KLHL22: variants seen among roughly 807,000 people sequenced by gnomAD.
KLHL22 encodes the protein kelch-like protein 22.
In KLHL22, 18 loss-of-function variants were observed where a neutral mutation model predicts 60.7. That is an observed-to-expected ratio of 0.30 (90% CI 0.20 to 0.44). The LOEUF (loss-of-function observed/expected upper bound fraction) is 0.44, where lower values mean the gene tolerates loss of function less well. Ranked by LOEUF, KLHL22 falls within the 20% of genes least tolerant of loss-of-function variation. The pLI, the probability that KLHL22 is intolerant of heterozygous loss-of-function variation, is 1.00. For missense variants in KLHL22, 596 were observed against 852.3 expected, an observed-to-expected ratio of 0.70 and a Z score of 3.74; for synonymous variants, 355 against 354.5, an observed-to-expected ratio of 1.00 and a Z score of -0.01.
At chr22:20,472,255 A>C (rs1214492737) in intron 2 of KLHL22, among the ~76,000 whole-genome samples, 1 of 151,824 alleles carries the variant, frequency 6.6e-6, no homozygotes, top group Non-Finnish European at 1.5e-5. Context: ...AAAAAGCAAA[A>C]CAAAACAAAA....
chr22:20,470,825 T>TGGATGGAC lies in KLHL22; in HGVS notation c.393+524_393+525insGTCCATCC, dbSNP rs1312842348. Among the ~76,000 whole-genome samples the TGGATGGAC allele has an allele frequency of 4.9e-5, 7 of 142,820 alleles. No individual in the cohort carries two copies. The East Asian group carries it at 1.2e-3, about 24-fold the overall frequency. The allele number at this position is 142,820 out of a possible 152,430, so 93.7% of individuals were successfully genotyped here. ...ATGGATGGATGGATGGATGGATGGATGGATGCATGCATGCATGGATGGATG... is the reference window on the plus strand; with the variant it reads ...ATGGATGGATGGATGGATGGATGGATGGATGGACGGATGCATGCATGCATGGATGGATG... On this transcript the variant is annotated intron_variant, in intron 3 of 6. Coordinates refer to ENST00000328879, the MANE Select transcript of KLHL22 (RefSeq NM_032775.4).
chr22:20,470,909 G>C (rs566248697), intron 3 of KLHL22, among the ~76,000 whole-genome samples: 3 of 152,306 alleles, frequency 2.0e-5, no homozygotes, highest in Admixed American at 6.5e-5. Flanking sequence ...GATAGATAAA[G>C]TTCAGTAACA....
chr22:20,483,446 C>A (rs1216749409), intron 2 of KLHL22: 5 of 783,594 alleles, frequency 6.4e-6, no homozygotes, highest in Non-Finnish European at 9.2e-6. Context: ...AGGCCTTTTA[C>A]TTCCTCTTCA....
chr22:20,488,003 C>T (rs998509500), intron 2 of KLHL22, among the ~76,000 whole-genome samples: 1 of 152,136 alleles, frequency 6.6e-6, no homozygotes, highest in Admixed American at 6.5e-5. Flanking sequence ...CCCTGGTGAA[C>T]TGAAAGAATT....
chr22:20,486,825 G>A (rs2053594169), intron 2 of KLHL22, among the ~76,000 whole-genome samples: 1 of 151,940 alleles, frequency 6.6e-6, no homozygotes. Context: ...GGGATTACAG[G>A]CATGTGCTAC....
intron 6 of KLHL22, 127 bp from the exon 7 acceptor site, chr22:20,442,565 A>T (rs561491372): frequency 8.5e-7 from 1 of 1,180,872 alleles, no homozygotes; most frequent in South Asian, 1.6e-5. Flanking sequence ...CCCTGGAAGG[A>T]TGGCACAGGG....
chr22:20,477,483 A>G (rs1256924071), intron 2 of KLHL22, among the ~76,000 whole-genome samples: 1 of 152,156 alleles, frequency 6.6e-6, no homozygotes, highest in East Asian at 1.9e-4. Context: ...GCACGCATCC[A>G]TAATTCCATC....
At chr22:20,452,000 T>C (rs934591237) in intron 5 of KLHL22, among the ~76,000 whole-genome samples, 5 of 152,082 alleles carry the variant, frequency 3.3e-5, no homozygotes, top group African/African-American at 1.2e-4. Context: ...TGGTTGTTGT[T>C]CCTGAGAAGG....
chr22:20,459,849 G>A (rs1008693573), intron 4 of KLHL22, among the ~76,000 whole-genome samples: 1 of 152,202 alleles, frequency 6.6e-6, no homozygotes, highest in Non-Finnish European at 1.5e-5. Flanking sequence ...AGGCTAACCA[G>A]AGCAAATGAG....
chr22:20,450,181 C>G, intron 5 of KLHL22: 3 of 796,252 alleles, frequency 3.8e-6, no homozygotes, highest in Non-Finnish European at 6.9e-6. Flanking sequence ...AATCAATCCT[C>G]AGTTCAATGA....
chr22:20,457,436 C>G (rs1289788698), intron 5 of KLHL22, among the ~76,000 whole-genome samples: 2 of 152,132 alleles, frequency 1.3e-5, no homozygotes, highest in African/African-American at 4.8e-5. Context: ...TGTTTAACAT[C>G]TCTGGAAGTG....
intron 2 of KLHL22, chr22:20,484,253 A>G (rs373025180): frequency 1.0e-5 from 4 of 394,478 alleles, no homozygotes; most frequent in South Asian, 6.1e-5. Context: ...TCAGCCTCCC[A>G]AAGTGCTAGG....
intron 5 of KLHL22, among the ~76,000 whole-genome samples, chr22:20,454,033 C>A (rs960776730): frequency 6.6e-6 from 1 of 152,182 alleles, no homozygotes; most frequent in East Asian, 1.9e-4. Flanking sequence ...CTGCGACCAG[C>A]AATAAAAAAA....
intron 4 of KLHL22, among the ~76,000 whole-genome samples, chr22:20,462,075 G>A (rs889022823): frequency 6.6e-6 from 1 of 151,800 alleles, no homozygotes; most frequent in African/African-American, 2.4e-5. Flanking sequence ...TCCAGCCTGG[G>A]CAGAAAACAG....
chr22:20,485,499 ACAATTAGGGAAAG>A (rs1429726313), intron 2 of KLHL22, among the ~76,000 whole-genome samples: 2 of 152,212 alleles, frequency 1.3e-5, no homozygotes, highest in African/African-American at 4.8e-5. Context: ...ACAGCAAGGG[ACAATTAGGGAAAG>A]CTCTCCAGAG....
chr22:20,454,014 C>T (rs905162857), intron 5 of KLHL22, among the ~76,000 whole-genome samples: 4 of 152,138 alleles, frequency 2.6e-5, no homozygotes, highest in Non-Finnish European at 4.4e-5. Flanking sequence ...GGATTACAGA[C>T]GTGAGCCACT....
At chr22:20,480,741 C>T (rs950182596) in intron 2 of KLHL22, among the ~76,000 whole-genome samples, 10 of 151,788 alleles carry the variant, frequency 6.6e-5, no homozygotes, top group Non-Finnish European at 1.5e-4. Context: ...AGTATAAAGA[C>T]TCACACTAGG....
At chr22:20,489,317 T>A in intron 1 of KLHL22, 73 bp from the exon 2 acceptor site, 1 of 1,098,228 alleles carries the variant, frequency 9.1e-7, no homozygotes. Context: ...ACTGGCCAGC[T>A]CTGTTGCTCC....
intron 5 of KLHL22, chr22:20,450,051 C>A: frequency 8.8e-6 from 6 of 680,584 alleles, no homozygotes; most frequent in Non-Finnish European, 1.6e-5. Flanking sequence ...GGCCCTGGCG[C>A]GGCTGTGTGG....
Sources: gnomAD v4.1 joint callset for allele counts (sites outside exome capture counted in the v4.1 genomes callset) on GRCh38, gnomAD v4.1.1 for gene constraint, MANE v1.5 for transcripts, NCBI Gene and HGNC (gene_info 2026-07-23, HGNC 2026-07-21) for gene names.